The following CDH10 variants were observed in gnomAD, a reference collection of about 807,000 sequenced individuals.
CDH10 encodes cadherin-10.
A neutral mutation model predicts 73.1 loss-of-function variants in CDH10; 30 were observed. That is an observed-to-expected ratio of 0.41 (90% CI 0.31 to 0.56). The LOEUF is 0.56. Among genes scored for constraint, CDH10 ranks in the 20% least tolerant of loss-of-function variants. CDH10 has a pLI of 0.27. For missense variants in CDH10, 815 were observed against 973.7 expected (o/e 0.84, Z 2.17); for synonymous variants, 345 against 348.2 (o/e 0.99, Z 0.10).
intron 2 of CDH10, among the ~76,000 whole-genome samples, chr5:24,543,328 A>T (rs907853200): frequency 6.6e-6 from 1 of 152,188 alleles, no homozygotes; most frequent in African/African-American, 2.4e-5. Flanking sequence ...TATTTGTAGC[A>T]CTACATTAGA....
At position 24,537,685 on chromosome 5, in the gene CDH10, T is replaced by A. The variant is rs2111897886; in HGVS notation, c.232-11A>T. 6.6e-7 allele frequency: 1 copy of A among 1,517,844 alleles called. No individual in the cohort carries two copies. Among genetic ancestry groups the A allele is most frequent in the Admixed American group, 1.9e-5 (1 of 53,876 alleles). 94.0% of individuals were successfully genotyped at this position (1,517,844 alleles called of 1,614,324 possible). Reference sequence around the variant, plus strand: ...TTGGTCTGAATGTAGCTAGGGGAAATAAAAAAGAGTATATCCATGATCATG... The same window carrying A: ...TTGGTCTGAATGTAGCTAGGGGAAAAAAAAAAGAGTATATCCATGATCATG... On this transcript the variant is annotated splice_polypyrimidine_tract_variant and intron_variant, in intron 2 of 11. Coordinates refer to ENST00000264463, the MANE Select transcript of CDH10 (RefSeq NM_006727.5).
chr5:24,542,363 A>G (rs1321445444), intron 2 of CDH10, among the ~76,000 whole-genome samples: 1 of 152,210 alleles, frequency 6.6e-6, no homozygotes, highest in East Asian at 1.9e-4. Context: ...GACAGATTGC[A>G]TAGACAACAG....
chr5:24,491,247 A>G (rs779999808), intron 11 of CDH10, among the ~76,000 whole-genome samples: 3 of 152,170 alleles, frequency 2.0e-5, no homozygotes, highest in Non-Finnish European at 4.4e-5. Flanking sequence ...TACACATGCC[A>G]TTCTGCATTC....
At chr5:24,633,179 G>T (rs1210364010) in intron 1 of CDH10, among the ~76,000 whole-genome samples, 2 of 151,106 alleles carry the variant, frequency 1.3e-5, no homozygotes, top group African/African-American at 4.9e-5. Context: ...TAAATACCTA[G>T]GTCAATGCTT....
At chr5:24,495,624 G>A (rs1240559755) in intron 9 of CDH10, among the ~76,000 whole-genome samples, 4 of 152,084 alleles carry the variant, frequency 2.6e-5, no homozygotes, top group Admixed American at 1.3e-4. Context: ...CAAGGTGGGC[G>A]GATCACAAGG....
intron 2 of CDH10, among the ~76,000 whole-genome samples, chr5:24,554,544 G>C (rs912602607): frequency 6.7e-6 from 1 of 148,172 alleles, no homozygotes; most frequent in Non-Finnish European, 1.5e-5. Flanking sequence ...TTTCTTGATG[G>C]CTTTCCTCAA....
At chr5:24,514,120 T>C (rs2111780944) in intron 5 of CDH10, among the ~76,000 whole-genome samples, 1 of 152,328 alleles carries the variant, frequency 6.6e-6, no homozygotes, top group Non-Finnish European at 1.5e-5. Flanking sequence ...TATTGTACAT[T>C]GTATAGAAGC....
At position 24,537,416 on chromosome 5, in the gene CDH10, T is replaced by A. The variant is rs2111892626; in HGVS notation, c.490A>T (p.Ile164Phe). Residue 164 changes from isoleucine to phenylalanine, a missense_variant, in exon 3 of 12, where the codon ATC becomes TTC. Around this residue, in one of 3 missense-constraint regions of CDH10, gnomAD observed 516 missense variants for 636.6 expected, o/e 0.81. Transcript: ENST00000264463. ...NDNEPTFPEE[I>F]YTASVPEMSV... is the part of the protein sequence containing the mutation. ...ATTTCGGGAACACTAGCTGTATAGA[T>A]TTCTTCTGGGAACGTTGGCTCATTG... The A allele has an allele frequency of 6.2e-7, 1 of 1,612,782 alleles. No homozygotes were observed. Among genetic ancestry groups the A allele is most frequent in the Non-Finnish European group, 8.5e-7 (1 of 1,179,110 alleles).
intron 2 of CDH10, among the ~76,000 whole-genome samples, chr5:24,543,415 G>C (rs1333072286): frequency 6.6e-6 from 1 of 152,096 alleles, no homozygotes; most frequent in Non-Finnish European, 1.5e-5. Flanking sequence ...ATAACATTCA[G>C]TATCTGAGTC....
intron 5 of CDH10, among the ~76,000 whole-genome samples, chr5:24,526,407 A>T (rs1469434777): frequency 6.6e-6 from 1 of 151,880 alleles, no homozygotes; most frequent in Non-Finnish European, 1.5e-5. Context: ...AGCCTAGCTG[A>T]TATTTTACAT....
chr5:24,605,458 T>A (rs565125001), intron 1 of CDH10, among the ~76,000 whole-genome samples: 1 of 152,212 alleles, frequency 6.6e-6, no homozygotes, highest in Non-Finnish European at 1.5e-5. Context: ...TCATGGCTGA[T>A]TGCCTGACAA....
At chr5:24,520,386 C>T (rs6887057) in intron 5 of CDH10, among the ~76,000 whole-genome samples, 73,527 of 151,870 alleles carry the variant, frequency 0.48, 17,900 homozygotes, top group East Asian at 0.58. Flanking sequence ...AAATGATGTA[C>T]AGTGTGATAC....
At chr5:24,611,646 C>T (rs1472805953) in intron 1 of CDH10, among the ~76,000 whole-genome samples, 1 of 151,890 alleles carries the variant, frequency 6.6e-6, no homozygotes, top group Non-Finnish European at 1.5e-5. Context: ...ACCAATGGTC[C>T]CTTCCTCCTG....
At chr5:24,494,037 A>C (rs1262724534) in intron 9 of CDH10, among the ~76,000 whole-genome samples, 3 of 151,954 alleles carry the variant, frequency 2.0e-5, no homozygotes, top group Non-Finnish European at 4.4e-5. Context: ...TTACAACCCT[A>C]ACCATTTATT....
chr5:24,568,686 T>C (rs1379326697), intron 2 of CDH10, among the ~76,000 whole-genome samples: 2 of 152,130 alleles, frequency 1.3e-5, no homozygotes, highest in Non-Finnish European at 2.9e-5. Flanking sequence ...TGAGCAGATA[T>C]TTGTATAGCA....
chr5:24,520,709 T>C (rs189295453), intron 5 of CDH10, among the ~76,000 whole-genome samples: 157 of 152,252 alleles, frequency 1.0e-3, no homozygotes, highest in African/African-American at 3.5e-3. Context: ...CAAACACATA[T>C]ACAACACAAA....
chr5:24,524,078 C>T (rs2174531), intron 5 of CDH10, among the ~76,000 whole-genome samples: 1 of 152,030 alleles, frequency 6.6e-6, no homozygotes, highest in Non-Finnish European at 1.5e-5. Flanking sequence ...ATGGCAACAT[C>T]AGTAATTAAT....
intron 5 of CDH10, among the ~76,000 whole-genome samples, chr5:24,518,815 GA>G (rs1173539719): frequency 6.6e-6 from 1 of 151,378 alleles, no homozygotes; most frequent in East Asian, 1.9e-4. Context: ...ATCGGAGAAG[GA>G]TTACAGTGAG....
At chr5:24,524,994 T>TG (rs1448325974) in intron 5 of CDH10, among the ~76,000 whole-genome samples, 8 of 152,054 alleles carry the variant, frequency 5.3e-5, no homozygotes, top group African/African-American at 1.9e-4. Context: ...CTTGAATATT[T>TG]AAAATACTGC....
Sources: allele counts gnomAD v4.1 joint callset (sites outside exome capture counted in the v4.1 genomes callset), GRCh38; gene constraint gnomAD v4.1.1; regional missense constraint gnomAD v4.1.1; transcripts MANE v1.5; gene names NCBI Gene and HGNC (gene_info 2026-07-23, HGNC 2026-07-21).